The following SLC25A13 variants were observed in gnomAD, a reference collection of about 807,000 sequenced individuals.
SLC25A13 encodes electrogenic aspartate/glutamate antiporter SLC25A13, mitochondrial.
Under a neutral mutation model 85.5 loss-of-function variants are expected in SLC25A13, and 70 were observed. The ratio of observed to expected loss-of-function variants is 0.82; its 90% confidence interval spans 0.68 to 1.00. SLC25A13 has a LOEUF of 1.00. Ranked by LOEUF, SLC25A13 falls within the 50% of genes least tolerant of loss-of-function variation. The pLI is 0.00. For missense variants in SLC25A13, 765 were observed against 819.8 expected (o/e 0.93, Z 0.82); for synonymous variants, 259 against 288.7 (o/e 0.90, Z 1.04).
At chr7:96,124,579 C>T (rs529000722) in intron 15 of SLC25A13, among the ~76,000 whole-genome samples, 11 of 152,260 alleles carry the variant, frequency 7.2e-5, no homozygotes, top group African/African-American at 2.4e-4. Context: ...ATTAATATTG[C>T]TACTTGCTTA....
At chr7:96,188,960 G>A (rs1794737424) in intron 9 of SLC25A13, among the ~76,000 whole-genome samples, 1 of 152,228 alleles carries the variant, frequency 6.6e-6, no homozygotes, top group Non-Finnish European at 1.5e-5. Context: ...CAGGCACAGT[G>A]ACACCAACAC....
intron 14 of SLC25A13, among the ~76,000 whole-genome samples, chr7:96,134,656 C>A (rs1792186286): frequency 6.6e-6 from 1 of 151,808 alleles, no homozygotes; most frequent in Non-Finnish European, 1.5e-5. Context: ...TTCCTGAAAT[C>A]ATGACAGTAA....
At chr7:96,125,752 GGT>G (rs1491240479) in intron 15 of SLC25A13, among the ~76,000 whole-genome samples, 1 of 147,860 alleles carries the variant, frequency 6.8e-6, no homozygotes, top group Non-Finnish European at 1.5e-5. Flanking sequence ...ATTCTAGAGG[GGT>G]TTTTTTTTTT....
intron 3 of SLC25A13, among the ~76,000 whole-genome samples, chr7:96,269,335 G>T (rs767579334): frequency 6.6e-6 from 1 of 152,164 alleles, no homozygotes; most frequent in Non-Finnish European, 1.5e-5. Context: ...TGTTAAGGCC[G>T]TAAGTGCACA....
At chr7:96,291,572 G>A (rs1021725562) in intron 2 of SLC25A13, among the ~76,000 whole-genome samples, 13 of 151,846 alleles carry the variant, frequency 8.6e-5, no homozygotes, top group African/African-American at 2.7e-4. Flanking sequence ...TTAAATAGAC[G>A]CAATAAAAAA....
chr7:96,298,357 C>T (rs1799427571), intron 1 of SLC25A13, among the ~76,000 whole-genome samples: 1 of 152,156 alleles, frequency 6.6e-6, no homozygotes, highest in Non-Finnish European at 1.5e-5. Context: ...CACCTTGTTT[C>T]CCAAAGCAAG....
intron 4 of SLC25A13, among the ~76,000 whole-genome samples, chr7:96,224,121 C>G (rs1323647273): frequency 6.6e-6 from 1 of 152,204 alleles, no homozygotes; most frequent in East Asian, 1.9e-4. Flanking sequence ...AACCTGCTCA[C>G]ACACCAGGTA....
chr7:96,225,661 G>A (rs1796304787), intron 4 of SLC25A13, among the ~76,000 whole-genome samples: 1 of 151,918 alleles, frequency 6.6e-6, no homozygotes, highest in South Asian at 2.1e-4. Flanking sequence ...TTCCAAAGTG[G>A]CCATCACTTC....
intron 13 of SLC25A13, among the ~76,000 whole-genome samples, chr7:96,155,424 T>C (rs927719269): frequency 6.6e-6 from 1 of 152,214 alleles, no homozygotes; most frequent in African/African-American, 2.4e-5. Flanking sequence ...CTTCTTTTCT[T>C]TGGTTTTCCT....
At chr7:96,232,792 T>C (rs1030175699) in intron 4 of SLC25A13, among the ~76,000 whole-genome samples, 1 of 152,196 alleles carries the variant, frequency 6.6e-6, no homozygotes, top group Admixed American at 6.5e-5. Context: ...GTAAAGTAGT[T>C]ATTACCCCGA....
At chr7:96,270,356 G>C (rs184781909) in intron 3 of SLC25A13, among the ~76,000 whole-genome samples, 124 of 152,270 alleles carry the variant, frequency 8.1e-4, no homozygotes, top group African/African-American at 2.9e-3. Flanking sequence ...AGAAGTTCGA[G>C]ACCAGCCTGG....
intron 1 of SLC25A13, among the ~76,000 whole-genome samples, chr7:96,315,475 G>A (rs1177619481): frequency 6.6e-6 from 1 of 152,130 alleles, no homozygotes; most frequent in Non-Finnish European, 1.5e-5. Flanking sequence ...CAAAAGCAAA[G>A]GCATTCATGG....
At chr7:96,285,531 C>G (rs1016060734) in intron 2 of SLC25A13, among the ~76,000 whole-genome samples, 1 of 152,148 alleles carries the variant, frequency 6.6e-6, no homozygotes, top group Non-Finnish European at 1.5e-5. Flanking sequence ...TCCTTGTCGC[C>G]TCTCCAACTT....
At chr7:96,203,425 A>T (rs1481191740) in intron 5 of SLC25A13, among the ~76,000 whole-genome samples, 2 of 152,190 alleles carry the variant, frequency 1.3e-5, no homozygotes, top group Non-Finnish European at 2.9e-5. Context: ...GAGATTTAGA[A>T]AAATTAATTT....
At chr7:96,298,727 C>T (rs147044734) in intron 1 of SLC25A13, among the ~76,000 whole-genome samples, 1 of 152,174 alleles carries the variant, frequency 6.6e-6, no homozygotes, top group Non-Finnish European at 1.5e-5. Flanking sequence ...GCCACTGTGC[C>T]CAGCCATGAA....
intron 3 of SLC25A13, among the ~76,000 whole-genome samples, chr7:96,261,998 G>A (rs1042910967): frequency 5.9e-5 from 9 of 152,056 alleles, no homozygotes; most frequent in African/African-American, 2.2e-4. Context: ...TCTCTTAAAG[G>A]TCCCCACTTC....
chr7:96,240,980 AGAGGG>A (rs1193179185), intron 3 of SLC25A13, among the ~76,000 whole-genome samples: 10 of 14,636 alleles, frequency 6.8e-4, no homozygotes, highest in African/African-American at 1.8e-3. Flanking sequence ...AAAGGAGAGG[AGAGGG>A]GAGGGGAGGG....
At chr7:96,179,459 T>C (rs767256560) in intron 11 of SLC25A13, among the ~76,000 whole-genome samples, 9 of 152,224 alleles carry the variant, frequency 5.9e-5, no homozygotes, top group African/African-American at 1.7e-4. Flanking sequence ...CTCAAGTCTC[T>C]AACAATTCTC....
chr7:96,196,634 T>C lies in SLC25A13; in HGVS notation c.469-3451A>G, dbSNP rs546290131. 2.3e-3 allele frequency among the ~76,000 whole-genome samples: 351 copies of C among 152,326 alleles called. 1 individual carries two copies. Among genetic ancestry groups the C allele is most frequent in the African/African-American group, 8.0e-3 (334 of 41,572 alleles). On this transcript the variant is annotated intron_variant, in intron 5 of 17. Transcript: ENST00000265631. ...GTTGGAGTAAGAAAGTTATTTTAAGTCTGATGATGAACAACCTGAGAATAC... is the reference window on the plus strand; with the variant it reads ...GTTGGAGTAAGAAAGTTATTTTAAGCCTGATGATGAACAACCTGAGAATAC...
Sources: allele counts gnomAD v4.1 joint callset (sites outside exome capture counted in the v4.1 genomes callset), GRCh38; gene constraint gnomAD v4.1.1; transcripts MANE v1.5; gene names NCBI Gene and HGNC (gene_info 2026-07-23, HGNC 2026-07-21).